CYP39A1: variants seen among roughly 807,000 people sequenced by gnomAD.
CYP39A1 encodes the protein 24-hydroxycholesterol 7-alpha-hydroxylase.
In CYP39A1, 49 loss-of-function variants were observed where a neutral mutation model predicts 58.1. The observed-to-expected ratio is 0.84, with a 90% confidence interval of 0.67 to 1.07. The LOEUF (loss-of-function observed/expected upper bound fraction) is 1.07, where lower values mean the gene tolerates loss of function less well. Ranked by LOEUF, CYP39A1 falls within the 50% of genes least tolerant of loss-of-function variation. CYP39A1 has a pLI of 0.00. For missense variants in CYP39A1, 531 were observed against 539.4 expected (o/e 0.98, Z 0.16); for synonymous variants, 209 against 187.6 (o/e 1.11, Z -0.93).
intron 10 of CYP39A1, among the ~76,000 whole-genome samples, chr6:46,584,196 C>T (rs1408664605): frequency 6.6e-6 from 1 of 152,006 alleles, no homozygotes; most frequent in Non-Finnish European, 1.5e-5. Flanking sequence ...AGTAATAAGA[C>T]AAAATTAAGG....
intron 10 of CYP39A1, among the ~76,000 whole-genome samples, chr6:46,585,481 G>A (rs1745663644): frequency 6.6e-6 from 1 of 152,048 alleles, no homozygotes. Context: ...CAAAAAATTT[G>A]TTATTGGCTT....
intron 10 of CYP39A1, among the ~76,000 whole-genome samples, chr6:46,569,565 A>C (rs1276664978): frequency 6.6e-6 from 1 of 151,968 alleles, no homozygotes; most frequent in Non-Finnish European, 1.5e-5. Flanking sequence ...ATTTGTTGAC[A>C]GTTTTTTATC....
chr6:46,570,711 C>G (rs185244931), intron 10 of CYP39A1, among the ~76,000 whole-genome samples: 2 of 152,258 alleles, frequency 1.3e-5, no homozygotes, highest in East Asian at 3.9e-4. Context: ...GCATGCAACA[C>G]AGGGAGAGAG....
intron 7 of CYP39A1, among the ~76,000 whole-genome samples, chr6:46,610,340 T>C (rs1380882617): frequency 2.0e-5 from 3 of 152,096 alleles, no homozygotes; most frequent in African/African-American, 7.2e-5. Context: ...CCTTACTAAT[T>C]TACATTTCAC....
intron 10 of CYP39A1, among the ~76,000 whole-genome samples, chr6:46,563,040 T>G (rs1338646742): frequency 6.6e-6 from 1 of 152,002 alleles, no homozygotes; most frequent in African/African-American, 2.4e-5. Context: ...AGTTGAATTT[T>G]CTTCAAATCC....
At chr6:46,605,495 T>C (rs1269775502) in intron 7 of CYP39A1, among the ~76,000 whole-genome samples, 1 of 152,176 alleles carries the variant, frequency 6.6e-6, no homozygotes, top group African/African-American at 2.4e-5. Context: ...TAACATTAAC[T>C]TAACACTTTG....
At chr6:46,569,883 A>G (rs752470847) in intron 10 of CYP39A1, among the ~76,000 whole-genome samples, 18 of 152,150 alleles carry the variant, frequency 1.2e-4, no homozygotes, top group Middle Eastern at 3.4e-3. Flanking sequence ...AATGCTTTGT[A>G]AAATGGGTTT....
chr6:46,552,128 A>G lies in CYP39A1; in HGVS notation c.1338+1639T>C, dbSNP rs543037776. ...GAATTGGTCAAAATTACTAATCTCC[A>G]TGGTTTTAACCAATGCCATCCTTTT... On this transcript the variant is annotated intron_variant, in intron 11 of 11. Coordinates refer to ENST00000275016, the MANE Select transcript of CYP39A1 (RefSeq NM_016593.5). Among the ~76,000 whole-genome samples, 60 of 152,342 alleles carry G rather than the reference A, an allele frequency of 3.9e-4. 4 individuals carry two copies. The South Asian group carries it at 0.012, about 31-fold the overall frequency.
chr6:46,600,866 A>G (rs1424757219), intron 7 of CYP39A1, among the ~76,000 whole-genome samples: 2 of 152,128 alleles, frequency 1.3e-5, no homozygotes, highest in Non-Finnish European at 2.9e-5. Flanking sequence ...CCTTACAACA[A>G]ATTATCGAAT....
At chr6:46,603,428 A>C (rs999547247) in intron 7 of CYP39A1, among the ~76,000 whole-genome samples, 8 of 152,216 alleles carry the variant, frequency 5.3e-5, no homozygotes, top group African/African-American at 1.9e-4. Flanking sequence ...CACATGTAAA[A>C]TGTGGATTCA....
At chr6:46,581,319 G>A (rs774357814) in intron 10 of CYP39A1, among the ~76,000 whole-genome samples, 1 of 151,880 alleles carries the variant, frequency 6.6e-6, no homozygotes, top group African/African-American at 2.4e-5. Flanking sequence ...GCTGAGGCAG[G>A]AGGATGCTTG....
At chr6:46,634,523 GCTTTTTTTT>G (rs1176228819) in intron 5 of CYP39A1, among the ~76,000 whole-genome samples, 1 of 131,024 alleles carries the variant, frequency 7.6e-6, no homozygotes, top group Non-Finnish European at 1.6e-5. Context: ...TTTTCTTTTT[GCTTTTTTTT>G]TTTTTTTGAG....
rs532571803 is a variant in CYP39A1, at chr6:46,580,890, C to T, written c.1250+6187G>A. On this transcript the variant is annotated intron_variant, in intron 10 of 11. Transcript: ENST00000275016. ...TTGAGGAGAAAAGGGAATGCTTATA[C>T]ATTGCTGATGAGAATGTAAAATAGT... Among the ~76,000 whole-genome samples, 23 of 152,300 alleles carry T rather than the reference C, an allele frequency of 1.5e-4. No individual in the cohort carries two copies. In the South Asian group the frequency reaches 4.8e-3, roughly 32 times the overall value.
At chr6:46,595,922 A>T (rs1416164201) in intron 8 of CYP39A1, 65 bp downstream of exon 8, 4 of 1,472,292 alleles carry the variant, frequency 2.7e-6, no homozygotes, top group Non-Finnish European at 3.7e-6. Context: ...TGAAAAATAT[A>T]TGTGGGCAAA....
At chr6:46,592,595 T>C (rs919569644) in intron 8 of CYP39A1, among the ~76,000 whole-genome samples, 2 of 152,200 alleles carry the variant, frequency 1.3e-5, no homozygotes, top group Non-Finnish European at 2.9e-5. Context: ...TAAAAATGTA[T>C]ACTATATCCA....
At chr6:46,609,260 G>A (rs1451638738) in intron 7 of CYP39A1, among the ~76,000 whole-genome samples, 7 of 151,560 alleles carry the variant, frequency 4.6e-5, no homozygotes, top group Admixed American at 6.6e-5. Context: ...AAAATTAGCC[G>A]GGCGTGGTGG....
intron 1 of CYP39A1, among the ~76,000 whole-genome samples, chr6:46,644,586 C>A (rs141606611): frequency 6.6e-5 from 10 of 152,226 alleles, no homozygotes; most frequent in Non-Finnish European, 1.2e-4. Flanking sequence ...TTAGGGCTAT[C>A]GCAAATAGTG....
At chr6:46,592,131 A>G (rs1772874159) in intron 8 of CYP39A1, among the ~76,000 whole-genome samples, 1 of 152,182 alleles carries the variant, frequency 6.6e-6, no homozygotes, top group African/African-American at 2.4e-5. Context: ...AATGCAGTAA[A>G]TCCAAGAAAG....
At chr6:46,604,194 A>G (rs912789573) in intron 7 of CYP39A1, among the ~76,000 whole-genome samples, 58 of 152,322 alleles carry the variant, frequency 3.8e-4, no homozygotes, top group African/African-American at 1.3e-3. Context: ...TGTTAAGGAA[A>G]TCAATTCCCT....
Sources: allele counts gnomAD v4.1 joint callset (sites outside exome capture counted in the v4.1 genomes callset), GRCh38; gene constraint gnomAD v4.1.1; transcripts MANE v1.5; gene names NCBI Gene and HGNC (gene_info 2026-07-23, HGNC 2026-07-21).